C1orf21: variants seen among roughly 807,000 people sequenced by gnomAD.
The protein encoded by C1orf21 is chromosome 1 open reading frame 21, also known as uncharacterized protein C1orf21.
Under a neutral mutation model 18.7 loss-of-function variants are expected in C1orf21, and 3 were observed. That is an observed-to-expected ratio of 0.16 (90% CI 0.07 to 0.42). The LOEUF is 0.42. C1orf21 is among the 10% of genes least tolerant of loss of function. The pLI is 0.99. For synonymous variants in C1orf21, 41 were observed against 46.4 expected (o/e 0.88, Z 0.47); for missense variants, 104 against 143.6 (o/e 0.72, Z 1.41).
intron 1 of C1orf21, among the ~76,000 whole-genome samples, chr1:184,460,582 T>C (rs771535553): frequency 6.6e-5 from 10 of 152,090 alleles, no homozygotes; most frequent in Non-Finnish European, 1.2e-4. Context: ...ATTGACTTGA[T>C]AAGCATCTGG....
intron 3 of C1orf21, among the ~76,000 whole-genome samples, chr1:184,547,261 A>G (rs1020514332): frequency 2.0e-5 from 3 of 152,178 alleles, no homozygotes; most frequent in Admixed American, 6.5e-5. Flanking sequence ...ATGGTCTTGA[A>G]TGCCTAGCTA....
chr1:184,596,885 AAAAG>A (rs373234679), intron 4 of C1orf21, among the ~76,000 whole-genome samples: 3 of 148,886 alleles, frequency 2.0e-5, no homozygotes, highest in South Asian at 2.1e-4. Context: ...AAAAAAAAAA[AAAAG>A]AAAGAAAGAA....
chr1:184,441,422 A>G (rs1656943657), intron 1 of C1orf21, among the ~76,000 whole-genome samples: 2 of 152,214 alleles, frequency 1.3e-5, no homozygotes, highest in Admixed American at 6.5e-5. Flanking sequence ...CTTGATTCAC[A>G]GTCATGACAC....
At chr1:184,453,711 A>G (rs1008985909) in intron 1 of C1orf21, among the ~76,000 whole-genome samples, 17 of 152,112 alleles carry the variant, frequency 1.1e-4, no homozygotes, top group Non-Finnish European at 8.8e-5. Context: ...CTTGTTCTTC[A>G]AGAAATAGCT....
At chr1:184,580,534 A>G (rs1571287281) in intron 3 of C1orf21, among the ~76,000 whole-genome samples, 1 of 152,240 alleles carries the variant, frequency 6.6e-6, no homozygotes, top group African/African-American at 2.4e-5. Context: ...TCCCTTACAA[A>G]TTGATGTGGA....
intron 3 of C1orf21, among the ~76,000 whole-genome samples, chr1:184,544,030 C>G (rs533012408): frequency 1.3e-5 from 2 of 152,258 alleles, no homozygotes; most frequent in East Asian, 3.9e-4. Flanking sequence ...GTTACTTACT[C>G]TAGTTTGTTA....
chr1:184,461,822 C>A (rs942195045), intron 1 of C1orf21, among the ~76,000 whole-genome samples: 1 of 151,932 alleles, frequency 6.6e-6, no homozygotes, highest in Admixed American at 6.6e-5. Flanking sequence ...TTATTTTTGC[C>A]GCTGCTGGAA....
At chr1:184,460,620 GTCT>G (rs201481780) in intron 1 of C1orf21, among the ~76,000 whole-genome samples, 14,165 of 111,492 alleles carry the variant, frequency 0.13, 904 homozygotes, top group Admixed American at 0.15. Context: ...TGTCGTCGTC[GTCT>G]TCTTCTTCTT....
At chr1:184,432,386 G>A (rs1656779116) in intron 1 of C1orf21, among the ~76,000 whole-genome samples, 1 of 152,124 alleles carries the variant, frequency 6.6e-6, no homozygotes, top group Admixed American at 6.5e-5. Flanking sequence ...GGATGAAGCT[G>A]GAAACTATCA....
intron 3 of C1orf21, among the ~76,000 whole-genome samples, chr1:184,534,228 C>T (rs574110782): frequency 9.9e-5 from 15 of 152,154 alleles, no homozygotes; most frequent in Non-Finnish European, 2.1e-4. Context: ...GTATTTTCAT[C>T]TCTGTTTAAA....
At chr1:184,437,554 G>A (rs993485703) in intron 1 of C1orf21, among the ~76,000 whole-genome samples, 1 of 152,056 alleles carries the variant, frequency 6.6e-6, no homozygotes, top group Admixed American at 6.5e-5. Flanking sequence ...GAGGTGTCAG[G>A]TTGTTTGTGT....
chr1:184,587,992 G>T (rs1659382180), intron 3 of C1orf21, among the ~76,000 whole-genome samples: 1 of 152,168 alleles, frequency 6.6e-6, no homozygotes, highest in Admixed American at 6.5e-5. Flanking sequence ...CCTGTGTGAT[G>T]AAATGGGAAG....
At chr1:184,428,580 T>G (rs1027675591) in intron 1 of C1orf21, among the ~76,000 whole-genome samples, 1 of 152,234 alleles carries the variant, frequency 6.6e-6, no homozygotes. Flanking sequence ...TACTTAATGA[T>G]ACGAACATCA....
intron 3 of C1orf21, among the ~76,000 whole-genome samples, chr1:184,510,066 A>C (rs1044561153): frequency 6.6e-6 from 1 of 152,264 alleles, no homozygotes; most frequent in Admixed American, 6.5e-5. Context: ...GTTAGGCATC[A>C]TCATACAAAA....
intron 2 of C1orf21, among the ~76,000 whole-genome samples, chr1:184,487,708 C>A (rs888111629): frequency 6.6e-6 from 1 of 152,142 alleles, no homozygotes; most frequent in Admixed American, 6.5e-5. Context: ...TTATGGTAAG[C>A]ACACAGACTG....
intron 4 of C1orf21, among the ~76,000 whole-genome samples, chr1:184,594,486 G>A (rs1659486960): frequency 1.3e-5 from 2 of 152,330 alleles, no homozygotes; most frequent in Non-Finnish European, 2.9e-5. Flanking sequence ...TGTATACTAG[G>A]TTGAACAAAC....
At chr1:184,388,822 C>T (rs1655927479) in intron 1 of C1orf21, among the ~76,000 whole-genome samples, 1 of 152,090 alleles carries the variant, frequency 6.6e-6, no homozygotes, top group Non-Finnish European at 1.5e-5. Context: ...GCCTGAGCTA[C>T]TTCAGCACTG....
intron 3 of C1orf21, among the ~76,000 whole-genome samples, chr1:184,555,750 C>T (rs748416393): frequency 4.6e-5 from 7 of 151,998 alleles, no homozygotes; most frequent in African/African-American, 1.2e-4. Context: ...TCAGAAGTTC[C>T]GAGTGAGGAA....
chr1:184,505,591 G>A (rs1182124336), intron 2 of C1orf21, among the ~76,000 whole-genome samples: 1 of 151,370 alleles, frequency 6.6e-6, no homozygotes, highest in Admixed American at 6.6e-5. Flanking sequence ...GGTAAAACCC[G>A]TCTCTACTAA....
Sources: allele counts gnomAD v4.1 joint callset (sites outside exome capture counted in the v4.1 genomes callset), GRCh38; gene constraint gnomAD v4.1.1; transcripts MANE v1.5; gene names NCBI Gene and HGNC (gene_info 2026-07-23, HGNC 2026-07-21).